The following RHOT1 variants were observed in gnomAD, a reference collection of about 807,000 sequenced individuals.
RHOT1 encodes the protein ras homolog family member T1, also known as mitochondrial Rho GTPase 1.
Under a neutral mutation model 95.3 loss-of-function variants are expected in RHOT1, and 27 were observed. The observed-to-expected ratio is 0.28, with a 90% CI of 0.21 to 0.39. RHOT1 has a LOEUF of 0.39. Ranked by LOEUF, RHOT1 falls within the 10% of genes least tolerant of loss-of-function variation. The pLI is 1.00. For missense variants in RHOT1, 578 were observed against 786.7 expected, an observed-to-expected ratio of 0.73 and a Z score of 3.17; for synonymous variants, 227 against 263.5, an observed-to-expected ratio of 0.86 and a Z score of 1.34.
intron 10 of RHOT1, 135 bp downstream of exon 10, chr17:32,193,379 A>G: frequency 1.5e-6 from 1 of 656,980 alleles, no homozygotes; most frequent in South Asian, 1.8e-5. Flanking sequence ...TCTGATTTGG[A>G]TATTTATGAG....
At chr17:32,149,653 G>GTGTGTGTGTGTGTGTGTGTT (rs2032002768) in intron 1 of RHOT1, among the ~76,000 whole-genome samples, 1 of 133,128 alleles carries the variant, frequency 7.5e-6, no homozygotes. Flanking sequence ...GTGTGTGTGT[G>GTGTGTGTGTGTGTGTGTGTT]TGTGTGTGTA....
intron 15 of RHOT1, 26 bp from the exon 16 acceptor site, chr17:32,203,864 A>T: frequency 6.4e-7 from 1 of 1,551,290 alleles, no homozygotes. Context: ...TACTGCAGAT[A>T]TTGAGATTTT....
chr17:32,213,701 A>T (rs2038274598), intron 19 of RHOT1, among the ~76,000 whole-genome samples: 2 of 152,144 alleles, frequency 1.3e-5, no homozygotes. Flanking sequence ...CTGATCACAA[A>T]CCACCTATTT....
intron 1 of RHOT1, among the ~76,000 whole-genome samples, chr17:32,162,141 T>G (rs1042025867): frequency 6.6e-6 from 1 of 152,190 alleles, no homozygotes; most frequent in African/African-American, 2.4e-5. Flanking sequence ...GGGGTGGGGC[T>G]GAGAGTTCTG....
At chr17:32,173,772 A>G (rs2034772304) in intron 2 of RHOT1, 59 bp from the exon 3 acceptor site, 1 of 1,136,732 alleles carries the variant, frequency 8.8e-7, no homozygotes, top group Non-Finnish European at 1.3e-6. Flanking sequence ...ATCTATTACA[A>G]GTTTGAGTGA....
At chr17:32,158,142 C>T (rs1351637000) in intron 1 of RHOT1, among the ~76,000 whole-genome samples, 4 of 152,164 alleles carry the variant, frequency 2.6e-5, no homozygotes, top group Admixed American at 6.5e-5. Flanking sequence ...AGGCATGAGC[C>T]ACTCTGTGCT....
At chr17:32,157,131 A>G (rs181186682) in intron 1 of RHOT1, among the ~76,000 whole-genome samples, 13 of 152,332 alleles carry the variant, frequency 8.5e-5, no homozygotes, top group African/African-American at 3.1e-4. Context: ...TATGACAAAT[A>G]CTCAACACCC....
At chr17:32,206,267 G>A (rs1053533427) in intron 16 of RHOT1, among the ~76,000 whole-genome samples, 40 of 137,320 alleles carry the variant, frequency 2.9e-4, no homozygotes, top group African/African-American at 9.8e-4. Context: ...ATGCAGCGGC[G>A]TGATCTCGGC....
intron 6 of RHOT1, 98 bp from the exon 7 acceptor site, chr17:32,182,659 A>C: frequency 1.3e-6 from 1 of 747,996 alleles, no homozygotes; most frequent in South Asian, 2.1e-5. Context: ...GAGAAGATTA[A>C]ATAAAAGCTT....
intron 18 of RHOT1, among the ~76,000 whole-genome samples, chr17:32,210,538 C>T (rs1312482755): frequency 6.6e-6 from 1 of 152,144 alleles, no homozygotes; most frequent in African/African-American, 2.4e-5. Context: ...ATTTATAAAG[C>T]ACCTTGATTT....
chr17:32,206,441 CTTTTTTTTTT>C (rs34176535), intron 16 of RHOT1, among the ~76,000 whole-genome samples: 53 of 67,024 alleles, frequency 7.9e-4, no homozygotes, highest in African/African-American at 3.0e-3. Context: ...TCTATACTTT[CTTTTTTTTTT>C]TTTTTTTTTT....
At chr17:32,147,054 T>A (rs896652471) in intron 1 of RHOT1, among the ~76,000 whole-genome samples, 2 of 150,680 alleles carry the variant, frequency 1.3e-5, no homozygotes, top group Non-Finnish European at 3.0e-5. Context: ...GCTCTTTTTT[T>A]ATTTTTTTGA....
chr17:32,159,329 G>A (rs938507254), intron 1 of RHOT1: 4 of 153,150 alleles, frequency 2.6e-5, no homozygotes, highest in Admixed American at 6.5e-5. Context: ...GCCGGGCCGA[G>A]TTACCCGTTG....
intron 19 of RHOT1, among the ~76,000 whole-genome samples, chr17:32,216,767 A>T (rs1421917739): frequency 1.3e-5 from 2 of 152,148 alleles, no homozygotes; most frequent in Non-Finnish European, 2.9e-5. Context: ...TTTTCATAGG[A>T]TTGCCTTATG....
intron 7 of RHOT1, 66 bp downstream of exon 7, chr17:32,182,931 TAGG>T: frequency 9.8e-7 from 1 of 1,020,298 alleles, no homozygotes; most frequent in South Asian, 1.5e-5. Context: ...GGGTTTTAAA[TAGG>T]GGGGACAATG....
intron 1 of RHOT1, among the ~76,000 whole-genome samples, chr17:32,146,960 T>C (rs539460416): frequency 7.5e-5 from 11 of 146,018 alleles, no homozygotes; most frequent in Non-Finnish European, 3.0e-5. Context: ...GCCAGGCTGG[T>C]CTGGAACTGC....
At chr17:32,142,937 C>T in intron 1 of RHOT1, 1 of 716,796 alleles carries the variant, frequency 1.4e-6, no homozygotes, top group South Asian at 1.5e-5. Flanking sequence ...CTCACCCTGT[C>T]ACCTCACCTG....
chr17:32,197,117 C>A (rs1270459038), intron 11 of RHOT1, among the ~76,000 whole-genome samples: 1 of 151,562 alleles, frequency 6.6e-6, no homozygotes, highest in Non-Finnish European at 1.5e-5. Context: ...AGTGAGATTC[C>A]ATCTCAAATA....
intron 6 of RHOT1, chr17:32,179,471 C>T (rs865775444): frequency 1.9e-4 from 26 of 139,062 alleles, no homozygotes; most frequent in Middle Eastern, 4.8e-3. Flanking sequence ...GTGAGGAGCA[C>T]CTCTGCCCGG....
Sources: allele counts gnomAD v4.1 joint callset (sites outside exome capture counted in the v4.1 genomes callset), GRCh38; gene constraint gnomAD v4.1.1; transcripts MANE v1.5; gene names NCBI Gene and HGNC (gene_info 2026-07-23, HGNC 2026-07-21).